DPP10: variants seen among roughly 807,000 people sequenced by gnomAD.
DPP10 encodes the protein inactive dipeptidyl peptidase 10.
A neutral mutation model predicts 120.9 loss-of-function variants in DPP10; 33 were observed. The ratio of observed to expected loss-of-function variants is 0.27; its 90% CI spans 0.21 to 0.37. DPP10 has a LOEUF of 0.37. Ranked by LOEUF, DPP10 falls within the 10% of genes least tolerant of loss-of-function variation. DPP10 has a pLI of 1.00. For missense variants in DPP10, 816 were observed against 942.8 expected (o/e 0.87, Z 1.76); for synonymous variants, 337 against 326.1 (o/e 1.03, Z -0.36).
At chr2:115,295,758 C>T (rs2060857509) in intron 1 of DPP10, among the ~76,000 whole-genome samples, 1 of 151,810 alleles carries the variant, frequency 6.6e-6, no homozygotes, top group East Asian at 1.9e-4. Context: ...GCTGTAGCTG[C>T]CTCTTTATGA....
intron 1 of DPP10, among the ~76,000 whole-genome samples, chr2:114,701,389 G>A (rs1032867040): frequency 6.6e-6 from 1 of 152,084 alleles, no homozygotes; most frequent in Admixed American, 6.6e-5. Context: ...GATGAGGCAG[G>A]ATTTGAATTC....
chr2:115,262,980 A>G (rs760099790), intron 1 of DPP10, among the ~76,000 whole-genome samples: 1 of 152,198 alleles, frequency 6.6e-6, no homozygotes, highest in African/African-American at 2.4e-5. Flanking sequence ...CCATAAATAC[A>G]TAGTGTGACT....
chr2:115,715,699 G>C (rs766183844), intron 7 of DPP10, among the ~76,000 whole-genome samples: 2 of 152,100 alleles, frequency 1.3e-5, no homozygotes, highest in Non-Finnish European at 2.9e-5. Context: ...TCACGTCTCC[G>C]TGCATACCCG....
At chr2:115,793,402 T>G (rs1307311742) in intron 19 of DPP10, among the ~76,000 whole-genome samples, 1 of 152,146 alleles carries the variant, frequency 6.6e-6, no homozygotes, top group Non-Finnish European at 1.5e-5. Context: ...TAATAAATCA[T>G]AAGCAGAATT....
intron 21 of DPP10, among the ~76,000 whole-genome samples, chr2:115,820,902 A>G (rs1687755195): frequency 6.7e-6 from 1 of 150,122 alleles, no homozygotes; most frequent in African/African-American, 2.4e-5. Context: ...ATTTTTTGCA[A>G]TTATGAATTT....
At chr2:114,508,569 G>A (rs1683872609) in intron 1 of DPP10, among the ~76,000 whole-genome samples, 1 of 152,150 alleles carries the variant, frequency 6.6e-6, no homozygotes, top group South Asian at 2.1e-4. Flanking sequence ...AAGCTTTCGT[G>A]TGAACTTACT....
At chr2:115,162,225 G>C in intron 1 of DPP10, 1 of 1,559,502 alleles carries the variant, frequency 6.4e-7, no homozygotes, top group South Asian at 1.2e-5. Context: ...TCCGGGGCCC[G>C]GCGAGAGGAT....
At chr2:114,834,455 A>G (rs182936742) in intron 1 of DPP10, among the ~76,000 whole-genome samples, 99 of 151,610 alleles carry the variant, frequency 6.5e-4, no homozygotes, top group African/African-American at 2.2e-3. Context: ...ACCTATGTAC[A>G]TATCAGCCAT....
chr2:114,633,170 A>G (rs1399450930), intron 1 of DPP10, among the ~76,000 whole-genome samples: 1 of 126,520 alleles, frequency 7.9e-6, no homozygotes, highest in Non-Finnish European at 1.6e-5. Context: ...ATTACTTTGC[A>G]TTGATATTTT....
At position 114,447,318 on chromosome 2, in the gene DPP10, C is replaced by T. The variant is rs77332977; in HGVS notation, c.60+4480C>T. ...CCCACTTGTTGTTAATTCTATACCC[C>T]TAACCTAAATGCTGGACACTGACAA... On this transcript the variant is annotated intron_variant, in intron 1 of 25. Coordinates refer to ENST00000410059, the MANE Select transcript of DPP10 (RefSeq NM_020868.6). Among the ~76,000 whole-genome samples the T allele has an allele frequency of 5.0e-3, 766 of 152,164 alleles. 5 individuals are homozygous for T. The highest frequency in any genetic ancestry group is 8.7e-3 in the Non-Finnish European group (591 of 68,000).
chr2:115,536,011 G>A (rs940799358), intron 5 of DPP10, among the ~76,000 whole-genome samples: 1 of 151,828 alleles, frequency 6.6e-6, no homozygotes, highest in Admixed American at 6.6e-5. Context: ...AGGAGATTTT[G>A]GGCTGAGACA....
At chr2:115,805,357 T>C (rs1252027353) in intron 19 of DPP10, among the ~76,000 whole-genome samples, 3 of 152,080 alleles carry the variant, frequency 2.0e-5, no homozygotes, top group African/African-American at 7.2e-5. Flanking sequence ...GGAAAGGGAA[T>C]TCCCTGACCC....
At position 115,370,953 on chromosome 2, in the gene DPP10, A is replaced by G. The variant is rs117270704; in HGVS notation, c.271+27041A>G. On this transcript the variant is annotated intron_variant, in intron 3 of 25. Coordinates refer to ENST00000410059, the MANE Select transcript of DPP10 (RefSeq NM_020868.6). Reference sequence around the variant, plus strand: ...AATTGAGTGTCTTCTTCAAATAAAAACAAAATAACTCCCATTTTTCTGCCC... The same window carrying G: ...AATTGAGTGTCTTCTTCAAATAAAAGCAAAATAACTCCCATTTTTCTGCCC... Among the ~76,000 whole-genome samples, 777 of 152,260 alleles carry G rather than the reference A, an allele frequency of 5.1e-3. 38 individuals are homozygous for G. In the East Asian group the frequency reaches 0.13, roughly 25 times the overall value.
chr2:115,353,782 C>T (rs1056987211), intron 3 of DPP10, among the ~76,000 whole-genome samples: 1 of 152,094 alleles, frequency 6.6e-6, no homozygotes, highest in Non-Finnish European at 1.5e-5. Flanking sequence ...CTCAGATTCA[C>T]TCAGTAATAA....
intron 1 of DPP10, among the ~76,000 whole-genome samples, chr2:114,750,337 TA>T (rs1344844057): frequency 1.3e-5 from 2 of 150,046 alleles, no homozygotes; most frequent in South Asian, 2.1e-4. Flanking sequence ...GACATCAATA[TA>T]TTTTTTTTTT....
At chr2:115,394,250 A>G (rs2067513230) in intron 3 of DPP10, among the ~76,000 whole-genome samples, 1 of 152,148 alleles carries the variant, frequency 6.6e-6, no homozygotes, top group Non-Finnish European at 1.5e-5. Flanking sequence ...AATGAAGGAC[A>G]ACAGTTTATT....
chr2:115,153,017 A>G (rs1223405956), intron 1 of DPP10, among the ~76,000 whole-genome samples: 1 of 152,114 alleles, frequency 6.6e-6, no homozygotes, highest in Non-Finnish European at 1.5e-5. Flanking sequence ...ATGGATGCCT[A>G]CCCACACAGT....
Position 115,209,214 on chromosome 2 carries a change from T to C in DPP10, c.61-100025T>C, listed in dbSNP as rs1217842102. Reference sequence around the variant, plus strand: ...AAACATTCTCAGTTTCAGGAAGATATTACTGCTGTCTAAAACCTACTAAAA... The same window carrying C: ...AAACATTCTCAGTTTCAGGAAGATACTACTGCTGTCTAAAACCTACTAAAA... On this transcript the variant is annotated intron_variant, in intron 1 of 25. Transcript: ENST00000410059. Among the ~76,000 whole-genome samples, 3 of 152,126 alleles carry C rather than the reference T, an allele frequency of 2.0e-5. No individual in the cohort carries two copies. The East Asian group carries it at 5.8e-4, about 29-fold the overall frequency.
intron 5 of DPP10, among the ~76,000 whole-genome samples, chr2:115,550,701 T>C (rs1034328563): frequency 3.3e-5 from 5 of 152,150 alleles, no homozygotes; most frequent in African/African-American, 1.2e-4. Flanking sequence ...AAGCTAAATA[T>C]GGGGTTGCAG....
Sources: gnomAD v4.1 joint callset for allele counts (sites outside exome capture counted in the v4.1 genomes callset) on GRCh38, gnomAD v4.1.1 for gene constraint, MANE v1.5 for transcripts, NCBI Gene and HGNC (gene_info 2026-07-23, HGNC 2026-07-21) for gene names.